PRKG1: variants seen among roughly 807,000 people sequenced by gnomAD.
The protein encoded by PRKG1 is cGMP-dependent protein kinase 1.
In PRKG1, 35 loss-of-function variants were observed where a neutral mutation model predicts 88.1. The observed-to-expected ratio is 0.40, with a 90% confidence interval of 0.30 to 0.53. PRKG1 has a LOEUF of 0.53. Among genes scored for constraint, PRKG1 ranks in the 20% least tolerant of loss-of-function variants. The pLI, the probability that PRKG1 is intolerant of heterozygous loss-of-function variation, is 0.59. For missense variants in PRKG1, 540 were observed against 839.8 expected (o/e 0.64, Z 4.41); for synonymous variants, 303 against 292.5 (o/e 1.04, Z -0.37).
intron 1 of PRKG1, among the ~76,000 whole-genome samples, chr10:51,043,968 G>A (rs1328841320): frequency 6.6e-6 from 1 of 152,132 alleles, no homozygotes; most frequent in African/African-American, 2.4e-5. Flanking sequence ...CTTTATCCAA[G>A]TGCTTCACAG....
intron 3 of PRKG1, among the ~76,000 whole-genome samples, chr10:51,649,404 G>A (rs1839987214): frequency 6.6e-6 from 1 of 151,550 alleles, no homozygotes; most frequent in Non-Finnish European, 1.5e-5. Flanking sequence ...TTTCTTCTGA[G>A]AGTGATCCCC....
At chr10:51,284,144 A>G (rs1429970401) in intron 2 of PRKG1, among the ~76,000 whole-genome samples, 1 of 152,252 alleles carries the variant, frequency 6.6e-6, no homozygotes, top group Admixed American at 6.5e-5. Context: ...AATTTTTCAA[A>G]TTGCTCACAT....
intron 9 of PRKG1, among the ~76,000 whole-genome samples, chr10:52,239,330 AT>A (rs1423262156): frequency 2.5e-4 from 28 of 112,122 alleles, no homozygotes; most frequent in African/African-American, 6.3e-4. Flanking sequence ...ATAAAAAAAA[AT>A]AAATAAATAA....
At chr10:52,094,798 G>A (rs1213269943) in intron 7 of PRKG1, among the ~76,000 whole-genome samples, 1 of 152,060 alleles carries the variant, frequency 6.6e-6, no homozygotes, top group Non-Finnish European at 1.5e-5. Context: ...CCCATCTTGA[G>A]GACCCTACTA....
chr10:51,700,773 C>T (rs1221889045), intron 3 of PRKG1, among the ~76,000 whole-genome samples: 1 of 152,132 alleles, frequency 6.6e-6, no homozygotes, highest in South Asian at 2.1e-4. Context: ...TTTTAAATCT[C>T]ATTTTTTATT....
chr10:51,897,876 T>C (rs1215598288), intron 4 of PRKG1, among the ~76,000 whole-genome samples: 1 of 152,132 alleles, frequency 6.6e-6, no homozygotes, highest in East Asian at 1.9e-4. Flanking sequence ...GATTTTTTTT[T>C]TTCATGTGTA....
At chr10:50,993,972 C>A (rs1842808089) in intron 1 of PRKG1, among the ~76,000 whole-genome samples, 1 of 152,180 alleles carries the variant, frequency 6.6e-6, no homozygotes, top group Non-Finnish European at 1.5e-5. Flanking sequence ...GTGGATCATG[C>A]GCAGTAGCCG....
At chr10:51,326,465 A>G (rs1429522261) in intron 2 of PRKG1, among the ~76,000 whole-genome samples, 1 of 152,214 alleles carries the variant, frequency 6.6e-6, no homozygotes, top group Admixed American at 6.5e-5. Flanking sequence ...CTGGGACATA[A>G]TGACATCAAT....
chr10:51,447,419 G>C (rs61849774), intron 2 of PRKG1, among the ~76,000 whole-genome samples: 1,766 of 152,102 alleles, frequency 0.012, 27 homozygotes, highest in Non-Finnish European at 0.019. Flanking sequence ...GCATTCTTGC[G>C]AGTTTAGCTC....
intron 3 of PRKG1, among the ~76,000 whole-genome samples, chr10:51,725,949 A>T (rs1405801229): frequency 6.6e-6 from 1 of 152,194 alleles, no homozygotes. Context: ...AAAGAATTTC[A>T]AAAAGAGCAG....
intron 5 of PRKG1, among the ~76,000 whole-genome samples, chr10:51,967,317 A>C (rs1014290294): frequency 5.9e-5 from 9 of 152,140 alleles, no homozygotes; most frequent in Non-Finnish European, 1.2e-4. Context: ...AAGGACAAAA[A>C]ACCAAACACC....
At chr10:51,129,892 G>A (rs1250884180) in intron 1 of PRKG1, among the ~76,000 whole-genome samples, 1 of 152,154 alleles carries the variant, frequency 6.6e-6, no homozygotes, top group African/African-American at 2.4e-5. Flanking sequence ...GCTTCCAGGA[G>A]CCTCAAGGTG....
chr10:51,881,108 A>T, intron 4 of PRKG1, among the ~76,000 whole-genome samples: 1 of 152,026 alleles, frequency 6.6e-6, no homozygotes, highest in South Asian at 2.1e-4. Context: ...ATATGTGAAG[A>T]TCCTGTGCCC....
At chr10:51,519,499 G>A (rs191841538) in intron 3 of PRKG1, among the ~76,000 whole-genome samples, 2,069 of 151,988 alleles carry the variant, frequency 0.014, 26 homozygotes, top group Middle Eastern at 0.075. Context: ...AAACATGAGG[G>A]GGGAAATCTG....
chr10:51,270,947 G>A (rs1839963787), intron 2 of PRKG1, among the ~76,000 whole-genome samples: 1 of 152,186 alleles, frequency 6.6e-6, no homozygotes, highest in Non-Finnish European at 1.5e-5. Context: ...ACATTCTAAT[G>A]ACTACTTAGA....
intron 2 of PRKG1, among the ~76,000 whole-genome samples, chr10:51,248,420 T>C (rs2132136555): frequency 1.3e-5 from 2 of 152,042 alleles, no homozygotes; most frequent in South Asian, 4.1e-4. Context: ...AAAATCGCTC[T>C]TTTAGACCTG....
At chr10:51,657,526 TC>T (rs1394958424) in intron 3 of PRKG1, among the ~76,000 whole-genome samples, 4 of 152,120 alleles carry the variant, frequency 2.6e-5, no homozygotes, top group Non-Finnish European at 4.4e-5. Flanking sequence ...AATCAAACTG[TC>T]CTTGTGCCCC....
At chr10:51,775,809 C>T (rs1385951323) in intron 3 of PRKG1, among the ~76,000 whole-genome samples, 1 of 152,040 alleles carries the variant, frequency 6.6e-6, no homozygotes, top group Non-Finnish European at 1.5e-5. Context: ...GTGTTGAACT[C>T]CTGACCTTAA....
Position 52,280,805 on chromosome 10 carries a change from T to A in PRKG1, c.1420T>A (p.Ser474Thr), listed in dbSNP as rs770284504. Residue 474 changes from serine to threonine, a missense_variant, in exon 13 of 18, where the codon TCT becomes ACT. Physicochemically the swap from Ser to Thr is moderately conservative, Grantham distance 58. Around this residue, in one of 5 missense-constraint regions of PRKG1, gnomAD observed 400 missense variants for 562.7 expected, o/e 0.71. Coordinates refer to ENST00000373980, the MANE Select transcript of PRKG1 (RefSeq NM_006258.4). ...ILRDRGSFEDSTTRFYTACVV... is the reference protein window; with the variant it reads ...ILRDRGSFEDTTTRFYTACVV... The stretch of plus-strand genomic sequence containing the variant: ...GCACCTCAGAGGTTCGTTTGAAGAT[T>A]CTACAACCAGATTTTACACAGCATG... The A allele has an allele frequency of 1.2e-6, 2 of 1,613,228 alleles. No individual in the cohort carries two copies.
Sources: gnomAD v4.1 joint callset for allele counts (sites outside exome capture counted in the v4.1 genomes callset) on GRCh38, gnomAD v4.1.1 for gene constraint, gnomAD v4.1.1 regional missense constraint, MANE v1.5 for transcripts, NCBI Gene and HGNC (gene_info 2026-07-23, HGNC 2026-07-21) for gene names.